LARGE1: variants seen among roughly 807,000 people sequenced by gnomAD.
LARGE1 encodes xylosyl- and glucuronyltransferase LARGE1.
In LARGE1, 43 loss-of-function variants were observed where a neutral mutation model predicts 87.6. The ratio of observed to expected loss-of-function variants is 0.49; its 90% CI spans 0.38 to 0.63. LARGE1 has a LOEUF of 0.63. Ranked by LOEUF, LARGE1 falls within the 30% of genes least tolerant of loss-of-function variation. LARGE1 has a pLI of 0.00. For missense variants in LARGE1, 802 were observed against 1,000.2 expected (o/e 0.80, Z 2.67); for synonymous variants, 434 against 394.6 (o/e 1.10, Z -1.18).
At chr22:33,403,754 C>T (rs13056195) in intron 7 of LARGE1, among the ~76,000 whole-genome samples, 146 of 152,226 alleles carry the variant, frequency 9.6e-4, no homozygotes, top group Non-Finnish European at 1.8e-3. Context: ...CAAGTGCCTG[C>T]CACCACGCCT....
At chr22:33,905,458 G>C (rs1219841718) in intron 1 of LARGE1, among the ~76,000 whole-genome samples, 2 of 152,076 alleles carry the variant, frequency 1.3e-5, no homozygotes, top group East Asian at 3.9e-4. Flanking sequence ...CAATTTCTAA[G>C]GATACAATTT....
intron 2 of LARGE1, among the ~76,000 whole-genome samples, chr22:33,659,825 G>A (rs764145396): frequency 6.0e-5 from 9 of 151,134 alleles, no homozygotes; most frequent in Non-Finnish European, 4.4e-5. Context: ...AAAGAGGCCT[G>A]GATTCACTGC....
chr22:33,436,125 C>A (rs2067261871), intron 6 of LARGE1, among the ~76,000 whole-genome samples: 1 of 152,264 alleles, frequency 6.6e-6, no homozygotes, highest in Middle Eastern at 3.4e-3. Flanking sequence ...CTGCCTGGTT[C>A]CGGTTCCTAG....
intron 6 of LARGE1, among the ~76,000 whole-genome samples, chr22:33,502,723 C>A (rs1401553823): frequency 2.6e-5 from 4 of 152,064 alleles, no homozygotes; most frequent in Admixed American, 2.0e-4. Flanking sequence ...CGCCTGCCAC[C>A]ACGCCTGGCT....
intron 6 of LARGE1, among the ~76,000 whole-genome samples, chr22:33,499,005 A>T (rs527895129): frequency 3.2e-4 from 49 of 151,910 alleles, no homozygotes; most frequent in Middle Eastern, 3.4e-3. Context: ...CAAAAAATTT[A>T]AAAAAAAATT....
At chr22:33,510,486 C>T (rs1475769914) in intron 6 of LARGE1, among the ~76,000 whole-genome samples, 1 of 152,218 alleles carries the variant, frequency 6.6e-6, no homozygotes, top group African/African-American at 2.4e-5. Flanking sequence ...GACTGCTATA[C>T]TCTATCACCT....
At chr22:33,455,419 T>C (rs2068092640) in intron 6 of LARGE1, among the ~76,000 whole-genome samples, 2 of 152,100 alleles carry the variant, frequency 1.3e-5, no homozygotes, top group African/African-American at 4.8e-5. Context: ...AAGAGAGTTG[T>C]TTTTCTGAAA....
In LARGE1 at chr22:33,273,503, C is replaced by G; in HGVS notation, c.*924G>C. 2.5e-6 allele frequency: 1 copy of G among 398,700 alleles called. No homozygotes were observed. Among genetic ancestry groups the G allele is most frequent in the Non-Finnish European group, 4.4e-6 (1 of 226,148 alleles). The allele number at this position is 398,700 out of a possible 1,614,324, so 24.7% of individuals were successfully genotyped here. On this transcript the variant is annotated 3_prime_UTR_variant, in exon 15 of 15. Coordinates refer to ENST00000397394, the MANE Select transcript of LARGE1 (RefSeq NM_133642.5). ...AAGTAGTTCCTTCAAAGCCCTTTCC[C>G]ATGAATCAGTCACTGCCAATAGAAA...
the LARGE1 span, among the ~76,000 whole-genome samples, chr22:33,117,704 G>A: frequency 2.6e-5 from 4 of 152,152 alleles, no homozygotes; most frequent in African/African-American, 7.2e-5. Context: ...GGCATCAGAC[G>A]TTTACAAAGA....
chr22:33,514,152 A>G (rs2071184407), intron 6 of LARGE1, among the ~76,000 whole-genome samples: 2 of 152,194 alleles, frequency 1.3e-5, no homozygotes, highest in Admixed American at 6.5e-5. Context: ...TTCCCAGAAC[A>G]TATCCCCATC....
At chr22:33,106,488 C>T in the LARGE1 span, among the ~76,000 whole-genome samples, 2 of 149,854 alleles carry the variant, frequency 1.3e-5, no homozygotes, top group Non-Finnish European at 3.0e-5. Flanking sequence ...CAGTTTTCGC[C>T]ATTCCTTTTT....
chr22:33,553,480 C>A (rs1174028948), intron 6 of LARGE1, among the ~76,000 whole-genome samples: 3 of 152,158 alleles, frequency 2.0e-5, no homozygotes, highest in Non-Finnish European at 4.4e-5. Context: ...CCCACGACTG[C>A]ACTCCAGCCT....
At chr22:33,814,724 A>ACG (rs2086599016) in intron 1 of LARGE1, among the ~76,000 whole-genome samples, 1 of 150,586 alleles carries the variant, frequency 6.6e-6, no homozygotes, top group Non-Finnish European at 1.5e-5. Context: ...ATCAAGGTAT[A>ACG]TGTGTGTGTG....
chr22:33,359,173 A>T (rs1025155443), intron 9 of LARGE1, among the ~76,000 whole-genome samples: 1 of 152,090 alleles, frequency 6.6e-6, no homozygotes, highest in Non-Finnish European at 1.5e-5. Flanking sequence ...TCATTATGTT[A>T]TATATCATGT....
At chr22:33,647,918 C>T (rs541035728) in intron 3 of LARGE1, among the ~76,000 whole-genome samples, 43 of 152,190 alleles carry the variant, frequency 2.8e-4, no homozygotes, top group African/African-American at 8.9e-4. Context: ...CCACCACATC[C>T]GGCTGATTTT....
At chr22:33,603,518 T>C (rs1214552556) in intron 5 of LARGE1, among the ~76,000 whole-genome samples, 1 of 152,202 alleles carries the variant, frequency 6.6e-6, no homozygotes, top group African/African-American at 2.4e-5. Context: ...TCCTCTTTCC[T>C]GTGGAAGTCA....
At chr22:33,538,631 G>A (rs1016575727) in intron 6 of LARGE1, among the ~76,000 whole-genome samples, 1 of 152,068 alleles carries the variant, frequency 6.6e-6, no homozygotes, top group African/African-American at 2.4e-5. Context: ...AAATAAAACA[G>A]GGCACCTGCC....
At chr22:33,578,130 C>T (rs2078406439) in intron 5 of LARGE1, among the ~76,000 whole-genome samples, 1 of 152,282 alleles carries the variant, frequency 6.6e-6, no homozygotes, top group Admixed American at 6.5e-5. Flanking sequence ...AACAACAGGC[C>T]TTTACTGTTT....
chr22:33,228,433 C>G (rs993526676), intron 11 of LARGE1, among the ~76,000 whole-genome samples: 2 of 152,214 alleles, frequency 1.3e-5, no homozygotes, highest in African/African-American at 4.8e-5. Flanking sequence ...CAGAGTGGTG[C>G]TATGGAAGCT....
Sources: gnomAD v4.1 joint callset for allele counts (sites outside exome capture counted in the v4.1 genomes callset) on GRCh38, gnomAD v4.1.1 for gene constraint, MANE v1.5 for transcripts, NCBI Gene and HGNC (gene_info 2026-07-23, HGNC 2026-07-21) for gene names.